GLB1L3: variants seen among roughly 807,000 people sequenced by gnomAD.
GLB1L3 encodes beta-galactosidase-1-like protein 3.
GLB1L3 carries 89 observed loss-of-function variants against 89.5 expected under a neutral mutation model. The observed-to-expected ratio is 0.99, with a 90% confidence interval of 0.84 to 1.19. The LOEUF is 1.19. Among genes scored for constraint, GLB1L3 ranks in the 50% most tolerant of loss-of-function variants. The probability of loss-of-function intolerance (pLI) is 0.00; values close to 1 mark genes in which losing one functional copy is unlikely to be tolerated. For missense variants in GLB1L3, 812 were observed against 813.3 expected (o/e 1.00, Z 0.02); for synonymous variants, 314 against 312.3 (o/e 1.01, Z -0.06).
chr11:134,277,543 C>T (rs1486029068), intron 2 of GLB1L3, 92 bp downstream of exon 2: 2 of 1,547,832 alleles, frequency 1.3e-6, no homozygotes, highest in Admixed American at 1.8e-5. Flanking sequence ...AGAACACGTC[C>T]TACTAACATA....
chr11:134,313,830 C>T, intron 16 of GLB1L3, 111 bp from the exon 17 acceptor site: 1 of 724,516 alleles, frequency 1.4e-6, no homozygotes, highest in Non-Finnish European at 2.4e-6. Context: ...GCCCTCCTGG[C>T]TGTGCCCCTG....
chr11:134,294,762 TCA>T (rs1158627976), intron 9 of GLB1L3, among the ~76,000 whole-genome samples: 3 of 152,242 alleles, frequency 2.0e-5, no homozygotes, highest in Admixed American at 1.3e-4. Context: ...CTGGCTTCTT[TCA>T]CACAGCGTGG....
At chr11:134,295,712 T>C (rs540528217) in intron 9 of GLB1L3, among the ~76,000 whole-genome samples, 1 of 152,214 alleles carries the variant, frequency 6.6e-6, no homozygotes, top group Non-Finnish European at 1.5e-5. Flanking sequence ...CTTACTGAGT[T>C]GGAACTTTTT....
chr11:134,295,237 C>A (rs1647747007), intron 9 of GLB1L3, among the ~76,000 whole-genome samples: 1 of 152,140 alleles, frequency 6.6e-6, no homozygotes, highest in African/African-American at 2.4e-5. Flanking sequence ...ACTATCTGGA[C>A]CTGAAGTTTT....
chr11:134,312,243 A>G, intron 13 of GLB1L3, 106 bp from the exon 14 acceptor site: 2 of 1,297,424 alleles, frequency 1.5e-6, no homozygotes, highest in Admixed American at 4.1e-5. Flanking sequence ...TTCCCATTTG[A>G]AGAACCCTTG....
intron 19 of GLB1L3, 59 bp from the exon 20 acceptor site, chr11:134,318,818 T>C: frequency 6.4e-7 from 1 of 1,558,128 alleles, no homozygotes; most frequent in African/African-American, 1.4e-5. Context: ...CAGTGTCTTT[T>C]TCAACCTGTA....
intron 9 of GLB1L3, chr11:134,305,221 T>C: frequency 1.2e-6 from 1 of 861,674 alleles, no homozygotes. Flanking sequence ...CCTTCTAAGC[T>C]TCTGATGCAC....
chr11:134,314,286 G>T, intron 17 of GLB1L3, 44 bp from the exon 18 acceptor site: 3 of 1,371,470 alleles, frequency 2.2e-6, no homozygotes, highest in Non-Finnish European at 2.0e-6. Context: ...GAACTGGGTT[G>T]GGAAGGGGAC....
intron 8 of GLB1L3, 44 bp downstream of exon 8, chr11:134,292,257 C>A: frequency 6.9e-7 from 1 of 1,444,294 alleles, no homozygotes; most frequent in Non-Finnish European, 9.7e-7. Context: ...GGCTCTCAGC[C>A]AGCCCGTGTA....
In GLB1L3 at chr11:134,288,849, T is replaced by G. The variant is rs1453071811; in HGVS notation, c.688T>G (p.Ser230Ala). The change falls in exon 7 of 20, where the codon TCA (serine) becomes GCA (alanine). Residue 230 changes from serine to alanine, a missense_variant. By Grantham distance (99) the Ser-to-Ala change is moderately conservative (BLOSUM62 1). Transcript: ENST00000431683. The stretch of plus-strand genomic sequence containing the variant: ...GGTGCAAGTGGAGAATGAGTATGGC[T>G]CATTCAATAAGGATAAAACATACAT... Reference protein sequence around the residue: ...IAVQVENEYGSFNKDKTYMPY... With the variant: ...IAVQVENEYGAFNKDKTYMPY... 1 of 1,613,370 alleles carries G rather than the reference T, an allele frequency of 6.2e-7. No individual in the cohort carries two copies. Among genetic ancestry groups the G allele is most frequent in the African/African-American group, 1.3e-5 (1 of 74,862 alleles).
At position 134,293,155 on chromosome 11, in the gene GLB1L3, C is replaced by T. The variant is rs770740018; in HGVS notation, c.822C>T (p.Ala274=). 1.9e-6 allele frequency: 3 copies of T among 1,613,772 alleles called. No homozygotes were observed. The highest frequency in any genetic ancestry group is 1.1e-5 in the South Asian group (1 of 91,054). ...CTCTTCTTTATGCAGTGTTGGCCGC[C>T]ATCAATTTGCAAAAACTTCACCAGG... is the stretch of plus-strand genomic sequence containing the variant. The part of the protein sequence containing the change: ...LSGHTKGVLA[A]INLQKLHQDT... Residue 274 remains alanine (A), a synonymous_variant, in exon 9 of 20, where the codon GCC becomes GCT. Coordinates refer to ENST00000431683, the MANE Select transcript of GLB1L3 (RefSeq NM_001080407.3).
intron 6 of GLB1L3, among the ~76,000 whole-genome samples, chr11:134,287,532 C>G (rs1305975578): frequency 6.6e-6 from 1 of 152,242 alleles, no homozygotes; most frequent in Non-Finnish European, 1.5e-5. Context: ...ACTGGAAATT[C>G]CTCTGCAATG....
intron 11 of GLB1L3, 95 bp from the exon 12 acceptor site, chr11:134,310,476 A>T (rs377669166): frequency 1.9e-5 from 16 of 857,410 alleles, no homozygotes; most frequent in Non-Finnish European, 3.0e-5. Context: ...CTTTTGTCTC[A>T]CTCACGGTGG....
chr11:134,302,676 G>T (rs1049971449), intron 9 of GLB1L3, among the ~76,000 whole-genome samples: 1 of 152,124 alleles, frequency 6.6e-6, no homozygotes, highest in African/African-American at 2.4e-5. Context: ...TGTAGAGTTA[G>T]ATTCATTTGT....
intron 4 of GLB1L3, 83 bp from the exon 5 acceptor site, chr11:134,281,942 C>T (rs1448717434): frequency 8.7e-6 from 10 of 1,146,482 alleles, no homozygotes; most frequent in Non-Finnish European, 1.2e-5. Flanking sequence ...CCAGGCAGCT[C>T]CTCCACCCTG....
chr11:134,318,502 C>T lies in GLB1L3; in HGVS notation c.1780-129C>T. Reference sequence around the variant, plus strand: ...GCAAGGTAGAAGTTCTATAACATATCCCACTCTAAACTCACCTTCATTTGA... The same window carrying T: ...GCAAGGTAGAAGTTCTATAACATATTCCACTCTAAACTCACCTTCATTTGA... On this transcript the variant is annotated intron_variant, in intron 18 of 19. Coordinates refer to ENST00000431683, the MANE Select transcript of GLB1L3 (RefSeq NM_001080407.3). 6.3e-6 allele frequency: 4 copies of T among 634,604 alleles called. No individual in the cohort carries two copies. The East Asian group carries it at 8.2e-5, about 13-fold the overall frequency. The allele number at this position is 634,604 out of a possible 1,614,324, so 39.3% of individuals were successfully genotyped here.
At chr11:134,294,113 C>T (rs1941505900) in intron 9 of GLB1L3, among the ~76,000 whole-genome samples, 1 of 151,966 alleles carries the variant, frequency 6.6e-6, no homozygotes, top group Admixed American at 6.6e-5. Context: ...GTTGCCCAGG[C>T]TGGAGTGCAA....
chr11:134,277,472 C>T, intron 2 of GLB1L3, 21 bp downstream of exon 2: 3 of 1,607,196 alleles, frequency 1.9e-6, no homozygotes, highest in Non-Finnish European at 2.6e-6. Flanking sequence ...GAGCTACATC[C>T]CTGGGGAGGG....
intron 1 of GLB1L3, 29 bp downstream of exon 1, chr11:134,276,792 TGCCCACCACCCCGGCGCGTGCCCGGGA>T (rs1940389559): frequency 7.1e-7 from 1 of 1,404,862 alleles, no homozygotes; most frequent in Admixed American, 2.7e-5. Flanking sequence ...CGTCCCGGGC[TGCCCACCACCCCGGCGCGTGCCCGGGA>T]GCCTCCACCC....
Sources: gnomAD v4.1 joint callset for allele counts (sites outside exome capture counted in the v4.1 genomes callset) on GRCh38, gnomAD v4.1.1 for gene constraint, MANE v1.5 for transcripts, NCBI Gene and HGNC (gene_info 2026-07-23, HGNC 2026-07-21) for gene names.